Variants in GRB10 observed in about 807,000 individuals in gnomAD.
GRB10 encodes growth factor receptor bound protein 10, also known as growth factor receptor-bound protein 10.
A neutral mutation model predicts 80.9 loss-of-function variants in GRB10; 20 were observed. The ratio of observed to expected loss-of-function variants is 0.25; its 90% confidence interval spans 0.17 to 0.36. The LOEUF (loss-of-function observed/expected upper bound fraction) is 0.36. Among genes scored for constraint, GRB10 ranks in the 10% least tolerant of loss-of-function variants. The pLI is 1.00. For missense variants in GRB10, 548 were observed against 747.7 expected, an observed-to-expected ratio of 0.73 and a Z score of 3.12; for synonymous variants, 291 against 291.5, an observed-to-expected ratio of 1.00 and a Z score of 0.02.
At chr7:50,623,806 C>A (rs1357180696) in intron 8 of GRB10, among the ~76,000 whole-genome samples, 2 of 152,046 alleles carry the variant, frequency 1.3e-5, no homozygotes, top group African/African-American at 2.4e-5. Context: ...TGCCTGGGAC[C>A]AGAAGCTTTG....
intron 7 of GRB10, among the ~76,000 whole-genome samples, chr7:50,657,883 A>G (rs2058805749): frequency 6.6e-6 from 1 of 152,156 alleles, no homozygotes; most frequent in African/African-American, 2.4e-5. Flanking sequence ...TTCCTCCACT[A>G]ATTCTTTTTT....
chr7:50,728,888 C>T (rs986577088), intron 4 of GRB10, among the ~76,000 whole-genome samples: 1 of 152,168 alleles, frequency 6.6e-6, no homozygotes, highest in Non-Finnish European at 1.5e-5. Flanking sequence ...CCAAGCTGGT[C>T]TCGAACTCCT....
rs150048254 is a variant in GRB10, at chr7:50,660,561, C to T, written c.504+9161G>A. On this transcript the variant is annotated intron_variant, in intron 7 of 18. Coordinates refer to ENST00000401949, the MANE Select transcript of GRB10 (RefSeq NM_001350814.2). ...CATCAGCGCTGGAGCTGGGTTCTGC[C>T]CCAGCACCTTCCAAGTGCCGTGGGC... Among the ~76,000 whole-genome samples, 76 of 152,144 alleles carry T rather than the reference C, an allele frequency of 5.0e-4. 3 individuals are homozygous for T. In the East Asian group the frequency reaches 0.013, roughly 25 times the overall value.
intron 5 of GRB10, among the ~76,000 whole-genome samples, chr7:50,697,043 G>A (rs1293927117): frequency 2.0e-5 from 3 of 152,366 alleles, no homozygotes; most frequent in African/African-American, 4.8e-5. Context: ...CATGCTGAGC[G>A]AAGCCAGTTA....
At chr7:50,617,882 T>C in intron 10 of GRB10, 189 bp downstream of exon 10, 7 of 642,830 alleles carry the variant, frequency 1.1e-5, no homozygotes, top group South Asian at 9.2e-5. Flanking sequence ...ACACACAGAT[T>C]TTCCAAGGAA....
chr7:50,713,960 C>T (rs1215492643), intron 4 of GRB10, among the ~76,000 whole-genome samples: 1 of 151,924 alleles, frequency 6.6e-6, no homozygotes, highest in Non-Finnish European at 1.5e-5. Flanking sequence ...CACCCTTCAC[C>T]TCTTACATCT....
intron 3 of GRB10, among the ~76,000 whole-genome samples, chr7:50,743,778 GAGA>G (rs1321367377): frequency 2.0e-5 from 3 of 152,216 alleles, no homozygotes; most frequent in African/African-American, 4.8e-5. Flanking sequence ...TGGTGTCAGA[GAGA>G]AGGTCTTCCC....
In GRB10 at chr7:50,732,123, G is replaced by T. The variant is rs1428273553; in HGVS notation, c.51+149C>A. 5.0e-6 allele frequency: 4 copies of T among 793,896 alleles called. No individual in the cohort carries two copies. Among genetic ancestry groups the T allele is most frequent in the Non-Finnish European group, 8.7e-6 (4 of 459,402 alleles). 49.2% of individuals were successfully genotyped at this position (793,896 alleles called of 1,614,324 possible). ...GAGGCAGAAAGGGCAGTGGGCCTCT[G>T]CACCATGGGACTTGTCACCAGCCCC... On this transcript the variant is annotated intron_variant, in intron 4 of 18. Transcript: ENST00000401949.
chr7:50,616,368 A>T (rs1186127819), intron 10 of GRB10, 21 bp from the exon 11 acceptor site: 5 of 1,602,512 alleles, frequency 3.1e-6, no homozygotes, highest in East Asian at 4.5e-5. Context: ...ACAAATTTTT[A>T]AAATCACATA....
At chr7:50,751,992 A>T (rs2074184616) in intron 3 of GRB10, among the ~76,000 whole-genome samples, 1 of 152,210 alleles carries the variant, frequency 6.6e-6, no homozygotes, top group Admixed American at 6.5e-5. Flanking sequence ...TTACTTAAAT[A>T]TACTGTTGAG....
chr7:50,671,852 A>T (rs146295722), intron 6 of GRB10, among the ~76,000 whole-genome samples: 29 of 152,274 alleles, frequency 1.9e-4, no homozygotes, highest in African/African-American at 7.0e-4. Context: ...CGCCTAAGGC[A>T]AGACTAAGGG....
At chr7:50,692,823 T>C (rs1463782837) in intron 5 of GRB10, among the ~76,000 whole-genome samples, 1 of 152,130 alleles carries the variant, frequency 6.6e-6, no homozygotes, top group Non-Finnish European at 1.5e-5. Flanking sequence ...AGCTTATACA[T>C]ATAGGTGTGT....
At chr7:50,739,724 C>T (rs893497323) in intron 3 of GRB10, among the ~76,000 whole-genome samples, 5 of 152,214 alleles carry the variant, frequency 3.3e-5, no homozygotes, top group East Asian at 1.9e-4. Context: ...TGGTCAACAT[C>T]GGGGTCACCA....
chr7:50,762,078 T>C (rs1249532375), intron 2 of GRB10: 1 of 151,962 alleles, frequency 6.6e-6, no homozygotes, highest in Non-Finnish European at 1.5e-5. Flanking sequence ...AACTATTCCT[T>C]TGTAGTAGTG....
At chr7:50,599,489 T>C (rs2047231300) in intron 17 of GRB10, among the ~76,000 whole-genome samples, 1 of 152,246 alleles carries the variant, frequency 6.6e-6, no homozygotes, top group Non-Finnish European at 1.5e-5. Context: ...GAGAGGAAGA[T>C]GAGCTGTTCC....
intron 2 of GRB10, among the ~76,000 whole-genome samples, chr7:50,765,487 A>C (rs1199640837): frequency 6.6e-6 from 1 of 152,210 alleles, no homozygotes; most frequent in African/African-American, 2.4e-5. Flanking sequence ...CAACCATAAA[A>C]AAGGAGTGAA....
intron 7 of GRB10, among the ~76,000 whole-genome samples, chr7:50,666,330 G>C (rs913315016): frequency 3.9e-5 from 6 of 152,218 alleles, no homozygotes; most frequent in African/African-American, 1.4e-4. Context: ...GGTGAGCGAA[G>C]GCAGAGAGCT....
At position 50,620,704 on chromosome 7, in the gene GRB10, T is replaced by C. The variant is rs192800905; in HGVS notation, c.662-1419A>G. Among the ~76,000 whole-genome samples, 436 of 152,288 alleles carry C rather than the reference T, an allele frequency of 2.9e-3. 2 individuals carry two copies. Among genetic ancestry groups the C allele is most frequent in the African/African-American group, 1.0e-2 (414 of 41,566 alleles). ...CTGGGAGGGAATGCTGCTAGCAACA[T>C]GTGAACCAATACGTGGCCCTCATGT... On this transcript the variant is annotated intron_variant, in intron 8 of 18. Coordinates refer to ENST00000401949, the MANE Select transcript of GRB10 (RefSeq NM_001350814.2).
chr7:50,642,202 A>G (rs139528540), intron 7 of GRB10, among the ~76,000 whole-genome samples: 185 of 152,206 alleles, frequency 1.2e-3, no homozygotes, highest in African/African-American at 4.0e-3. Context: ...CAGCCAGGAG[A>G]GGCAGGACAA....
Sources: gnomAD v4.1 joint callset for allele counts (sites outside exome capture counted in the v4.1 genomes callset) on GRCh38, gnomAD v4.1.1 for gene constraint, MANE v1.5 for transcripts, NCBI Gene and HGNC (gene_info 2026-07-23, HGNC 2026-07-21) for gene names.